The following PSMB7 variants were observed in gnomAD, a reference collection of about 807,000 sequenced individuals.
The protein encoded by PSMB7 is proteasome 20S subunit beta 7, also known as proteasome subunit beta type-7.
In PSMB7, 5 loss-of-function variants were observed where a neutral mutation model predicts 28.1. The observed-to-expected ratio is 0.18, with a 90% confidence interval of 0.09 to 0.37. The LOEUF (loss-of-function observed/expected upper bound fraction) is 0.37, where lower values mean the gene tolerates loss of function less well. Ranked by LOEUF, PSMB7 falls within the 10% of genes least tolerant of loss-of-function variation. The pLI, the probability that PSMB7 is intolerant of heterozygous loss-of-function variation, is 1.00. For missense variants in PSMB7, 275 were observed against 346.2 expected, an observed-to-expected ratio of 0.79 and a Z score of 1.63; for synonymous variants, 122 against 123.7, an observed-to-expected ratio of 0.99 and a Z score of 0.09.
chr9:124,373,803 T>C (rs1215040922), intron 6 of PSMB7, among the ~76,000 whole-genome samples: 1 of 152,208 alleles, frequency 6.6e-6, no homozygotes, highest in Non-Finnish European at 1.5e-5. Flanking sequence ...CTTCACACAC[T>C]GCTAGTGGCA....
intron 6 of PSMB7, among the ~76,000 whole-genome samples, chr9:124,357,908 C>G (rs1303313400): frequency 6.6e-6 from 1 of 152,286 alleles, no homozygotes; most frequent in East Asian, 1.9e-4. Flanking sequence ...GAAGGACAGG[C>G]TGCACACGAG....
chr9:124,400,002 C>T (rs775313322), intron 5 of PSMB7, among the ~76,000 whole-genome samples: 9 of 152,302 alleles, frequency 5.9e-5, no homozygotes, highest in Non-Finnish European at 8.8e-5. Context: ...ACCCCCGAGG[C>T]CTGCTTTCCA....
chr9:124,401,598 C>T (rs1431243604), intron 5 of PSMB7, among the ~76,000 whole-genome samples: 1 of 152,194 alleles, frequency 6.6e-6, no homozygotes, highest in African/African-American at 2.4e-5. Flanking sequence ...TCCCTTGGGT[C>T]CCCTCCTGCC....
chr9:124,365,939 AAG>A (rs935026265), intron 6 of PSMB7, among the ~76,000 whole-genome samples: 5 of 152,150 alleles, frequency 3.3e-5, no homozygotes, highest in African/African-American at 1.2e-4. Flanking sequence ...AAAGGAGAGA[AAG>A]AGAGAGAGAT....
At chr9:124,399,514 G>A (rs1228600862) in intron 5 of PSMB7, among the ~76,000 whole-genome samples, 1 of 152,196 alleles carries the variant, frequency 6.6e-6, no homozygotes, top group Non-Finnish European at 1.5e-5. Context: ...ACAGCTGTTA[G>A]GCTCTCTTCA....
At chr9:124,372,306 T>G (rs992335511) in intron 6 of PSMB7, among the ~76,000 whole-genome samples, 7 of 152,186 alleles carry the variant, frequency 4.6e-5, no homozygotes, top group Non-Finnish European at 4.4e-5. Flanking sequence ...AATATGAAAT[T>G]GGGTGTTTAC....
intron 6 of PSMB7, among the ~76,000 whole-genome samples, chr9:124,370,960 C>T (rs1830556706): frequency 6.6e-6 from 1 of 152,164 alleles, no homozygotes; most frequent in South Asian, 2.1e-4. Context: ...TGTATATTAG[C>T]AAATGTGCAG....
At chr9:124,388,712 C>A (rs1046042593) in intron 5 of PSMB7, among the ~76,000 whole-genome samples, 16 of 152,160 alleles carry the variant, frequency 1.1e-4, no homozygotes, top group African/African-American at 3.6e-4. Context: ...CCCATACACA[C>A]CCCTGATACT....
chr9:124,397,825 G>A (rs1381588008), intron 5 of PSMB7, among the ~76,000 whole-genome samples: 3 of 152,166 alleles, frequency 2.0e-5, no homozygotes, highest in African/African-American at 7.2e-5. Context: ...TATTTTATCT[G>A]GAGTGTGAGG....
chr9:124,362,761 A>G (rs143916078), intron 6 of PSMB7, among the ~76,000 whole-genome samples: 1 of 152,344 alleles, frequency 6.6e-6, no homozygotes, highest in African/African-American at 2.4e-5. Flanking sequence ...GCATGTTAAT[A>G]TATTAGCTTG....
chr9:124,364,782 A>G (rs1235042010), intron 6 of PSMB7, among the ~76,000 whole-genome samples: 3 of 152,188 alleles, frequency 2.0e-5, no homozygotes, highest in African/African-American at 7.2e-5. Flanking sequence ...CAGCACTAGA[A>G]TTTCTCAGGA....
intron 5 of PSMB7, chr9:124,398,517 G>T: frequency 3.1e-6 from 1 of 318,040 alleles, no homozygotes; most frequent in Non-Finnish European, 6.4e-6. Flanking sequence ...GTTGTTTTTG[G>T]GTAGTAAAAT....
rs571652343 is a variant in PSMB7 at position 124,356,985 on chromosome 9, G to A, written c.571-70C>T. 26 of 1,575,864 alleles carry A rather than the reference G, an allele frequency of 1.6e-5. No individual in the cohort carries two copies. Among genetic ancestry groups the A allele is most frequent in the African/African-American group, 6.8e-5 (5 of 74,072 alleles). ...GCCTGCTCTGACATCCGCAATGTAC[G>A]TCCACTAGCAGTGCGCAAGACCTCC... On this transcript the variant is annotated intron_variant, in intron 6 of 7. Coordinates refer to ENST00000259457, the MANE Select transcript of PSMB7 (RefSeq NM_002799.4). This position sits in a 1 kb window ranked among gnomAD's most constrained non-coding sequence, Gnocchi z 4.4.
At chr9:124,404,260 CAT>C (rs1348044020) in intron 5 of PSMB7, among the ~76,000 whole-genome samples, 1 of 138,592 alleles carries the variant, frequency 7.2e-6, no homozygotes, top group Non-Finnish European at 1.6e-5. Context: ...GTCCCCTTAT[CAT>C]GTGTGAATTT....
rs942109023 is a variant in PSMB7 at position 124,356,686 on chromosome 9, C to A, written c.722+78G>T. ...TAATGTGGAAAGAACCAGGAAAACT[C>A]CATCCAGATGCCATGGAGATACCAA... On this transcript the variant is annotated intron_variant, in intron 7 of 7. Coordinates refer to ENST00000259457, the MANE Select transcript of PSMB7 (RefSeq NM_002799.4). The surrounding 1 kb of genome is among the most constrained non-coding windows in gnomAD (Gnocchi z 4.4). 5.1e-5 allele frequency: 75 copies of A among 1,473,546 alleles called. No homozygotes were observed. Among genetic ancestry groups the A allele is most frequent in the Non-Finnish European group, 6.8e-5 (74 of 1,081,658 alleles). The allele number at this position is 1,473,546 out of a possible 1,614,324, so 91.3% of individuals were successfully genotyped here. A position where few individuals can be genotyped will look rare whatever the true frequency, so the allele number is the denominator to read the frequency against.
At chr9:124,402,849 A>T (rs1216410543) in intron 5 of PSMB7, among the ~76,000 whole-genome samples, 3 of 152,260 alleles carry the variant, frequency 2.0e-5, no homozygotes. Flanking sequence ...ACAATTCTAA[A>T]ATTACCATAA....
At chr9:124,380,131 C>T (rs758771021) in intron 6 of PSMB7, among the ~76,000 whole-genome samples, 1 of 152,196 alleles carries the variant, frequency 6.6e-6, no homozygotes, top group Non-Finnish European at 1.5e-5. Flanking sequence ...AAGGAGTCCA[C>T]GGCGAGCCAG....
intron 4 of PSMB7, among the ~76,000 whole-genome samples, chr9:124,408,046 C>T (rs1000791475): frequency 3.3e-5 from 5 of 152,042 alleles, no homozygotes; most frequent in Non-Finnish European, 5.9e-5. Flanking sequence ...GCCTTTAGTC[C>T]CAGCTACTCA....
intron 6 of PSMB7, among the ~76,000 whole-genome samples, chr9:124,377,597 A>T (rs983308197): frequency 6.6e-6 from 1 of 152,244 alleles, no homozygotes; most frequent in Non-Finnish European, 1.5e-5. Flanking sequence ...ATGACAGATT[A>T]ATTCTGTTTC....
Sources: gnomAD v4.1 joint callset for allele counts (sites outside exome capture counted in the v4.1 genomes callset) on GRCh38, gnomAD v4.1.1 for gene constraint, Gnocchi (gnomAD v3.1) non-coding constraint, MANE v1.5 for transcripts, NCBI Gene and HGNC (gene_info 2026-07-23, HGNC 2026-07-21) for gene names.